NRCAM: variants seen among roughly 807,000 people sequenced by gnomAD.
NRCAM encodes the protein neuronal cell adhesion molecule.
In NRCAM, 83 loss-of-function variants were observed where a neutral mutation model predicts 156.5. That is an observed-to-expected ratio of 0.53 (90% CI 0.44 to 0.64). The LOEUF is 0.64. NRCAM is among the 30% of genes least tolerant of loss of function. NRCAM has a pLI of 0.00. For missense variants in NRCAM, 1,417 were observed against 1,597.3 expected, an observed-to-expected ratio of 0.89 and a Z score of 1.92; for synonymous variants, 538 against 563.9, an observed-to-expected ratio of 0.95 and a Z score of 0.65.
chr7:108,390,861 G>A (rs1292355897), intron 2 of NRCAM, among the ~76,000 whole-genome samples: 1 of 152,192 alleles, frequency 6.6e-6, no homozygotes, highest in East Asian at 1.9e-4. Context: ...AGGTTGTTCA[G>A]TTTCCATGTA....
At chr7:108,334,179 A>G in intron 2 of NRCAM, among the ~76,000 whole-genome samples, 1 of 152,212 alleles carries the variant, frequency 6.6e-6, no homozygotes, top group East Asian at 1.9e-4. Flanking sequence ...TGGATGTGCC[A>G]TTACACATTA....
intron 1 of NRCAM, among the ~76,000 whole-genome samples, chr7:108,444,120 T>C (rs1448493003): frequency 6.6e-6 from 1 of 152,200 alleles, no homozygotes; most frequent in Non-Finnish European, 1.5e-5. Flanking sequence ...ATATAAATTT[T>C]AAAACAATAT....
intron 31 of NRCAM, among the ~76,000 whole-genome samples, chr7:108,160,105 T>C (rs543555152): frequency 6.6e-6 from 1 of 152,192 alleles, no homozygotes; most frequent in Admixed American, 6.5e-5. Context: ...CCATAACCTA[T>C]GTGGAGTCTA....
rs145281466 is a variant in NRCAM, at chr7:108,191,799, G to A, written c.1833C>T (p.Ser611=). The change falls in exon 18 of 33, where the codon AGC becomes AGT. Residue 611 remains serine, a synonymous_variant. Transcript: ENST00000379028. ...LVVADVSDDD[S]GTYTCVANTT... The stretch of plus-strand genomic sequence containing the variant: ...TGTTGGCCACACACGTGTAGGTCCC[G>A]CTGTCATCGTCACTGACATCAGCTA... The A allele has an allele frequency of 1.9e-5, 31 of 1,613,744 alleles. No individual in the cohort carries two copies. The highest frequency in any genetic ancestry group is 1.7e-4 in the Middle Eastern group (1 of 5,896).
chr7:108,454,608 A>G (rs1165257821), intron 1 of NRCAM, among the ~76,000 whole-genome samples: 3 of 152,254 alleles, frequency 2.0e-5, no homozygotes, highest in African/African-American at 7.2e-5. Context: ...TTCAGCAAGT[A>G]CTGCCATTAT....
intron 13 of NRCAM, among the ~76,000 whole-genome samples, chr7:108,203,860 A>C (rs1189958613): frequency 6.6e-6 from 1 of 152,242 alleles, no homozygotes; most frequent in African/African-American, 2.4e-5. Flanking sequence ...TGCTGTCAGC[A>C]AGCCAGCTTG....
At chr7:108,299,144 A>AAAGG (rs1365333453) in intron 3 of NRCAM, among the ~76,000 whole-genome samples, 1 of 112,414 alleles carries the variant, frequency 8.9e-6, no homozygotes. Flanking sequence ...GAAAGAAAAG[A>AAAGG]AAAGTAAAAA....
In NRCAM at chr7:108,160,848, A is replaced by G. The variant is rs541378246; in HGVS notation, c.3467-356T>C. Among the ~76,000 whole-genome samples, 4 of 152,338 alleles carry G rather than the reference A, an allele frequency of 2.6e-5. No individual in the cohort carries two copies. In the East Asian group the frequency reaches 7.7e-4, roughly 29 times the overall value. ...CAGGATACATTTTACATTAAGTATA[A>G]TGAGAAAAATACAAAACTGAGTTTT... On this transcript the variant is annotated intron_variant, in intron 30 of 32. Transcript: ENST00000379028.
intron 1 of NRCAM, among the ~76,000 whole-genome samples, chr7:108,445,708 CT>C (rs1843441978): frequency 6.6e-6 from 1 of 152,122 alleles, no homozygotes; most frequent in Admixed American, 6.5e-5. Context: ...TATGAGCTTT[CT>C]TAATCTATGT....
At chr7:108,300,008 T>G (rs1305143388) in intron 3 of NRCAM, among the ~76,000 whole-genome samples, 2 of 152,158 alleles carry the variant, frequency 1.3e-5, no homozygotes, top group Non-Finnish European at 2.9e-5. Flanking sequence ...TTAGAACATG[T>G]CTAGCACATG....
chr7:108,357,734 C>T (rs925753057), intron 2 of NRCAM, among the ~76,000 whole-genome samples: 1 of 152,186 alleles, frequency 6.6e-6, no homozygotes, highest in African/African-American at 2.4e-5. Context: ...AGTGGAAAGG[C>T]TCATTGTTTT....
At chr7:108,281,223 G>T (rs2097847794) in intron 3 of NRCAM, among the ~76,000 whole-genome samples, 2 of 151,972 alleles carry the variant, frequency 1.3e-5, no homozygotes, top group African/African-American at 2.4e-5. Flanking sequence ...CAATTATATA[G>T]TTGTTTACAT....
intron 3 of NRCAM, among the ~76,000 whole-genome samples, chr7:108,258,056 G>A (rs1247311261): frequency 6.6e-6 from 1 of 152,152 alleles, no homozygotes; most frequent in Non-Finnish European, 1.5e-5. Context: ...AGCAAGCTCA[G>A]ACTTAGTTTC....
chr7:108,196,600 C>T (rs1021187573), intron 14 of NRCAM, among the ~76,000 whole-genome samples: 1 of 152,160 alleles, frequency 6.6e-6, no homozygotes, highest in African/African-American at 2.4e-5. Context: ...TATCACCAAT[C>T]GCCAGATAAA....
intron 1 of NRCAM, among the ~76,000 whole-genome samples, chr7:108,421,864 C>G (rs1223592419): frequency 6.6e-6 from 1 of 152,210 alleles, no homozygotes. Context: ...AGACTTCTGA[C>G]CTGCCCTGTG....
chr7:108,378,926 T>C (rs901050249), intron 2 of NRCAM, among the ~76,000 whole-genome samples: 1 of 151,878 alleles, frequency 6.6e-6, no homozygotes, highest in Non-Finnish European at 1.5e-5. Flanking sequence ...TAGGGGTAAA[T>C]GCGGCTAACA....
rs749768999 is a variant in NRCAM at position 108,150,664 on chromosome 7, A to C, written c.3678-517T>G. ...TGCATTTCAAATAATTTTGTTATCA[A>C]TGCAGGCCAGACTGTAAACTTCAAC... is the stretch of plus-strand genomic sequence containing the variant. On this transcript the variant is annotated intron_variant, in intron 32 of 32. Transcript: ENST00000379028. 2.5e-5 allele frequency: 13 copies of C among 521,012 alleles called. No individual in the cohort carries two copies. The East Asian group carries it at 6.5e-4, about 26-fold the overall frequency. 32.3% of individuals were successfully genotyped at this position (521,012 alleles called of 1,614,324 possible).
intron 2 of NRCAM, among the ~76,000 whole-genome samples, chr7:108,343,616 G>A (rs1459313127): frequency 6.6e-6 from 1 of 152,176 alleles, no homozygotes; most frequent in East Asian, 1.9e-4. Flanking sequence ...TGAGGACATA[G>A]TTTCCTCCCC....
Position 108,397,394 on chromosome 7 carries a change from TGTAA to T in NRCAM, c.-174+2038_-174+2041del, listed in dbSNP as rs2099779831. 1.3e-5 allele frequency among the ~76,000 whole-genome samples: 2 copies of T among 152,152 alleles called. 1 individual carries two copies. The highest frequency in any genetic ancestry group is 2.9e-5 in the Non-Finnish European group (2 of 68,032). On this transcript the variant is annotated intron_variant, in intron 2 of 32. Coordinates refer to ENST00000379028, the MANE Select transcript of NRCAM (RefSeq NM_001037132.4). ...TAAAATTCACTCAAAATAGTACTAT[TGTAA>T]GTATTATTTGAAGTTGAAATTTTTA...
Sources: allele counts gnomAD v4.1 joint callset (sites outside exome capture counted in the v4.1 genomes callset), GRCh38; gene constraint gnomAD v4.1.1; transcripts MANE v1.5; gene names NCBI Gene and HGNC (gene_info 2026-07-23, HGNC 2026-07-21).